RIMKLB: variants seen among roughly 807,000 people sequenced by gnomAD.
RIMKLB encodes the protein beta-citrylglutamate synthase B.
In RIMKLB, 7 loss-of-function variants were observed where a neutral mutation model predicts 32.0. That is an observed-to-expected ratio of 0.22 (90% CI 0.12 to 0.41). The LOEUF is 0.41. Ranked by LOEUF, RIMKLB falls within the 10% of genes least tolerant of loss-of-function variation. The probability of loss-of-function intolerance (pLI) is 1.00; values close to 1 mark genes in which losing one functional copy is unlikely to be tolerated. For synonymous variants in RIMKLB, 172 were observed against 185.1 expected, an observed-to-expected ratio of 0.93 and a Z score of 0.57; for missense variants, 289 against 498.7, an observed-to-expected ratio of 0.58 and a Z score of 4.00.
rs781630502 is a variant in RIMKLB, at chr12:8,761,173, A to G, written c.697+7080A>G. On this transcript the variant is annotated intron_variant, in intron 5 of 5. Transcript: ENST00000535829. Reference sequence around the variant, plus strand: ...AGCCTGGGCAACATGGCTAAACTCTATCTCTACAAAAAATACAAAAATTAG... The same window carrying G: ...AGCCTGGGCAACATGGCTAAACTCTGTCTCTACAAAAAATACAAAAATTAG... Among the ~76,000 whole-genome samples the G allele has an allele frequency of 2.0e-5, 3 of 151,578 alleles. No homozygotes were observed. The East Asian group carries it at 5.8e-4, about 29-fold the overall frequency.
intron 5 of RIMKLB, 139 bp from the exon 6 acceptor site, chr12:8,773,182 G>T: frequency 1.6e-6 from 1 of 629,454 alleles, no homozygotes; most frequent in Admixed American, 2.9e-5. Flanking sequence ...TCTAGACTTA[G>T]AAGTCCTAAT....
At chr12:8,744,563 G>T (rs1222848964) in intron 2 of RIMKLB, among the ~76,000 whole-genome samples, 2 of 151,134 alleles carry the variant, frequency 1.3e-5, no homozygotes, top group Non-Finnish European at 2.9e-5. Flanking sequence ...TAATCTTCTT[G>T]TTTTGTTTCT....
intron 5 of RIMKLB, among the ~76,000 whole-genome samples, chr12:8,755,894 C>G (rs1030875356): frequency 6.6e-6 from 1 of 152,088 alleles, no homozygotes; most frequent in African/African-American, 2.4e-5. Flanking sequence ...TGGCCCAAAC[C>G]TGTAATTCCA....
intron 1 of RIMKLB, among the ~76,000 whole-genome samples, chr12:8,712,427 A>G (rs1944452801): frequency 6.6e-6 from 1 of 152,192 alleles, no homozygotes. Context: ...TAAATAAATA[A>G]ATAAAAATAA....
At chr12:8,769,779 C>CTG (rs1351769911) in intron 5 of RIMKLB, among the ~76,000 whole-genome samples, 1 of 152,154 alleles carries the variant, frequency 6.6e-6, no homozygotes, top group Non-Finnish European at 1.5e-5. Flanking sequence ...TACTACTTCA[C>CTG]TGTATCATCA....
At chr12:8,766,510 G>A (rs112135641) in intron 5 of RIMKLB, among the ~76,000 whole-genome samples, 10,149 of 152,156 alleles carry the variant, frequency 0.067, 1,093 homozygotes, top group African/African-American at 0.22. Context: ...CTTTTGAGTC[G>A]GGATTGAGAT....
intron 5 of RIMKLB, among the ~76,000 whole-genome samples, chr12:8,764,245 C>T (rs946281729): frequency 1.3e-5 from 2 of 152,048 alleles, no homozygotes; most frequent in Non-Finnish European, 1.5e-5. Flanking sequence ...TTAACTTGAA[C>T]GGGACAGGAA....
intron 5 of RIMKLB, among the ~76,000 whole-genome samples, chr12:8,760,780 G>A (rs1949455163): frequency 6.6e-6 from 1 of 152,112 alleles, no homozygotes; most frequent in Non-Finnish European, 1.5e-5. Context: ...TCGCCCACTT[G>A]TTGATAGGGT....
upstream of RIMKLB, among the ~76,000 whole-genome samples, chr12:8,677,570 C>T (rs1214650455): frequency 2.0e-5 from 3 of 152,162 alleles, no homozygotes; most frequent in Non-Finnish European, 4.4e-5. Context: ...TACAAAGCAG[C>T]CAGAGTAATC....
At chr12:8,693,477 A>C (rs919069766), upstream of RIMKLB, among the ~76,000 whole-genome samples, 3 of 151,484 alleles carry the variant, frequency 2.0e-5, no homozygotes, top group African/African-American at 7.3e-5. Context: ...GCTCACTGCA[A>C]CACCCGCCTC....
At chr12:8,730,585 A>G (rs1320538483) in intron 2 of RIMKLB, among the ~76,000 whole-genome samples, 7 of 152,128 alleles carry the variant, frequency 4.6e-5, no homozygotes, top group African/African-American at 1.7e-4. Flanking sequence ...AGATCTGAAT[A>G]TTGCTAATGA....
rs746360013 is a variant in RIMKLB, at chr12:8,698,025, G to A, written c.-329G>A. ...GAGTGAGGGAACGAGGAGCGGCCGG[G>A]TGTGAGTGTGTGGGAGTGAGAGTGT... On this transcript the variant is annotated 5_prime_UTR_variant, in exon 1 of 6. In the 5' UTR this introduces an upstream ATG that the reference lacks. Coordinates refer to ENST00000535829, the MANE Select transcript of RIMKLB (RefSeq NM_001297776.2). 1.4e-4 allele frequency: 26 copies of A among 183,792 alleles called. No individual in the cohort carries two copies. The South Asian group carries it at 1.4e-3, about 10-fold the overall frequency. The allele number at this position is 183,792 out of a possible 1,614,324, so 11.4% of individuals were successfully genotyped here. A position where few individuals can be genotyped will look rare whatever the true frequency, so the allele number is the denominator to read the frequency against.
chr12:8,759,351 T>G (rs1000044081), intron 5 of RIMKLB, among the ~76,000 whole-genome samples: 15 of 152,168 alleles, frequency 9.9e-5, no homozygotes, highest in African/African-American at 3.6e-4. Flanking sequence ...GCCAAGGTCG[T>G]GTCACTGCAC....
At chr12:8,691,606 A>G (rs562733374) in intron 1 of RIMKLB, among the ~76,000 whole-genome samples, 43 of 152,158 alleles carry the variant, frequency 2.8e-4, no homozygotes, top group Non-Finnish European at 6.0e-4. Context: ...ACTGTCTCAA[A>G]AAGACAAACA....
upstream of RIMKLB, among the ~76,000 whole-genome samples, chr12:8,677,325 C>G (rs963256023): frequency 6.6e-6 from 1 of 152,196 alleles, no homozygotes; most frequent in African/African-American, 2.4e-5. Flanking sequence ...GAATCATCCT[C>G]ATTTTCCTCA....
At chr12:8,682,207 A>G (rs1942426943) in intron 1 of RIMKLB, among the ~76,000 whole-genome samples, 2 of 152,242 alleles carry the variant, frequency 1.3e-5, no homozygotes, top group African/African-American at 4.8e-5. Context: ...AGTGGAGGGA[A>G]GAACATGTAG....
intron 2 of RIMKLB, among the ~76,000 whole-genome samples, chr12:8,725,289 A>T (rs1196031611): frequency 1.3e-5 from 2 of 150,946 alleles, no homozygotes; most frequent in Admixed American, 1.3e-4. Flanking sequence ...TTTTATTATT[A>T]TTTTTTGAGA....
At chr12:8,723,291 A>AGGGAGAGAGAT (rs1945651127) in intron 2 of RIMKLB, among the ~76,000 whole-genome samples, 1 of 152,166 alleles carries the variant, frequency 6.6e-6, no homozygotes, top group African/African-American at 2.4e-5. Context: ...GCCCAAGGAG[A>AGGGAGAGAGAT]GGGAGAGAGA....
chr12:8,677,571 C>A (rs1468558804), upstream of RIMKLB, among the ~76,000 whole-genome samples: 1 of 152,184 alleles, frequency 6.6e-6, no homozygotes, highest in Non-Finnish European at 1.5e-5. Context: ...ACAAAGCAGC[C>A]AGAGTAATCT....
Sources: gnomAD v4.1 joint callset for allele counts (sites outside exome capture counted in the v4.1 genomes callset) on GRCh38, gnomAD v4.1.1 for gene constraint, MANE v1.5 for transcripts, NCBI Gene and HGNC (gene_info 2026-07-23, HGNC 2026-07-21) for gene names.